Variants in TTLL5 observed in about 807,000 individuals in gnomAD.
The protein encoded by TTLL5 is tubulin tyrosine ligase like 5, also known as tubulin polyglutamylase TTLL5.
Under a neutral mutation model 168.4 loss-of-function variants are expected in TTLL5, and 132 were observed. The ratio of observed to expected loss-of-function variants is 0.78; its 90% CI spans 0.68 to 0.91. TTLL5 has a LOEUF of 0.91. TTLL5 is among the 40% of genes least tolerant of loss of function. The pLI is 0.00. For synonymous variants in TTLL5, 546 were observed against 558.6 expected, an observed-to-expected ratio of 0.98 and a Z score of 0.32; for missense variants, 1,545 against 1,581.5, an observed-to-expected ratio of 0.98 and a Z score of 0.39.
intron 20 of TTLL5, among the ~76,000 whole-genome samples, chr14:75,769,633 A>G (rs1891162487): frequency 6.6e-6 from 1 of 152,214 alleles, no homozygotes; most frequent in African/African-American, 2.4e-5. Flanking sequence ...AAGATCTTCA[A>G]GTTTTAGTAT....
At chr14:75,685,098 T>C (rs1884936451) in intron 5 of TTLL5, 1 of 152,120 alleles carries the variant, frequency 6.6e-6, no homozygotes, top group Non-Finnish European at 1.5e-5. Context: ...AAGTGTGGTG[T>C]TGGCTAGGTG....
intron 31 of TTLL5, among the ~76,000 whole-genome samples, chr14:75,950,978 A>AG (rs2034944281): frequency 6.6e-6 from 1 of 151,736 alleles, no homozygotes; most frequent in Admixed American, 6.6e-5. Flanking sequence ...CAAAAAAAAA[A>AG]CAAATGTGTT....
intron 4 of TTLL5, among the ~76,000 whole-genome samples, chr14:75,682,776 T>G (rs1884722445): frequency 6.6e-6 from 1 of 151,812 alleles, no homozygotes; most frequent in Non-Finnish European, 1.5e-5. Flanking sequence ...TTTTAATTTT[T>G]TATTTTTAGA....
intron 31 of TTLL5, among the ~76,000 whole-genome samples, chr14:75,914,029 A>ATATATATATATATATAT (rs1555356357): frequency 2.6e-5 from 2 of 78,302 alleles, no homozygotes; most frequent in African/African-American, 3.6e-4. Context: ...AAAAAAAAAA[A>ATATATATATATATATAT]AAAAATATAT....
rs181385862 is a variant in TTLL5, at chr14:75,852,019, C to T, written c.3327-11648C>T. Among the ~76,000 whole-genome samples the T allele has an allele frequency of 2.1e-3, 323 of 152,308 alleles. 1 individual carries two copies. Among genetic ancestry groups the T allele is most frequent in the Non-Finnish European group, 2.5e-3 (171 of 68,022 alleles). On this transcript the variant is annotated intron_variant, in intron 28 of 31. Coordinates refer to ENST00000298832, the MANE Select transcript of TTLL5 (RefSeq NM_015072.5). ...GCTAAACGCTGTACATAGATTATCA[C>T]ATGTAATTTTTAGACCAACCCTATG...
At chr14:75,877,074 G>T (rs1478326796) in intron 29 of TTLL5, among the ~76,000 whole-genome samples, 1 of 152,196 alleles carries the variant, frequency 6.6e-6, no homozygotes, top group Non-Finnish European at 1.5e-5. Context: ...GCATAGAAAT[G>T]TTTGCTTGTC....
At chr14:75,862,827 T>C (rs140857290) in intron 28 of TTLL5, among the ~76,000 whole-genome samples, 2 of 152,150 alleles carry the variant, frequency 1.3e-5, no homozygotes. Context: ...ACACCTAGAA[T>C]CCCAGCTTCT....
chr14:75,951,999 CAATCCATGA>C (rs2140223583), intron 31 of TTLL5, among the ~76,000 whole-genome samples: 1 of 152,176 alleles, frequency 6.6e-6, no homozygotes, highest in East Asian at 1.9e-4. Flanking sequence ...AGTAAAACAA[CAATCCATGA>C]AATTGAGAAA....
intron 18 of TTLL5, among the ~76,000 whole-genome samples, chr14:75,757,451 G>A (rs1050598187): frequency 6.6e-6 from 1 of 152,090 alleles, no homozygotes; most frequent in East Asian, 1.9e-4. Context: ...TTTAAGCTCC[G>A]GCCATGGCAG....
intron 28 of TTLL5, among the ~76,000 whole-genome samples, chr14:75,839,699 G>A (rs1410035168): frequency 6.6e-6 from 1 of 152,144 alleles, no homozygotes; most frequent in East Asian, 1.9e-4. Context: ...CACAACACAT[G>A]GGGATTATGG....
In TTLL5 at chr14:75,699,268, A is replaced by C; in HGVS notation, c.583A>C (p.Asn195His). 2 of 1,613,758 alleles carry C rather than the reference A, an allele frequency of 1.2e-6. No homozygotes were observed. Among genetic ancestry groups the C allele is most frequent in the Non-Finnish European group, 1.7e-6 (2 of 1,179,788 alleles). ...GGGGCGGGGCGTCTACCTGATCAAC[A>C]ATGTAAGTATGCAGCAGATGGCAAA... ...SRGRGVYLIN[N>H]PNQISLEENI... The change falls in exon 7 of 32, where the codon AAT becomes CAT. Residue 195 changes from asparagine (N) to histidine (H), a missense_variant and splice_region_variant. Asn to His is a moderately conservative substitution (Grantham distance 68). Transcript: ENST00000298832.
At chr14:75,917,466 G>C (rs1020952675) in intron 31 of TTLL5, among the ~76,000 whole-genome samples, 39 of 152,250 alleles carry the variant, frequency 2.6e-4, no homozygotes, top group African/African-American at 8.7e-4. Flanking sequence ...CTAAGCGGCT[G>C]GTGATCAGGC....
At chr14:75,789,746 G>A (rs759781488) in intron 26 of TTLL5, among the ~76,000 whole-genome samples, 5 of 152,106 alleles carry the variant, frequency 3.3e-5, no homozygotes, top group African/African-American at 4.8e-5. Context: ...AATATACCAC[G>A]TACATGCATA....
chr14:75,709,529 GA>G (rs1886907370), intron 9 of TTLL5: 1 of 270,786 alleles, frequency 3.7e-6, no homozygotes, highest in South Asian at 5.5e-5. Flanking sequence ...TTGAGAAAGG[GA>G]AGAACTGAAA....
intron 28 of TTLL5, among the ~76,000 whole-genome samples, chr14:75,857,346 A>T (rs1225979654): frequency 6.6e-6 from 1 of 151,810 alleles, no homozygotes; most frequent in African/African-American, 2.4e-5. Flanking sequence ...CTTGGCCATG[A>T]TATATTATCC....
chr14:75,909,129 G>A lies in TTLL5; in HGVS notation c.3823+6905G>A, dbSNP rs1023260064. ...ATTTGGGATCCTTGCAGGCCCAGGC[G>A]AGAGAGTGCCTTTCACAGGGCTAGT... On this transcript the variant is annotated intron_variant, in intron 31 of 31. Transcript: ENST00000298832. Among the ~76,000 whole-genome samples the A allele has an allele frequency of 4.6e-5, 7 of 151,662 alleles. No individual in the cohort carries two copies. The East Asian group carries it at 5.8e-4, about 13-fold the overall frequency.
intron 15 of TTLL5, chr14:75,737,524 A>C (rs1888985941): frequency 5.3e-6 from 8 of 1,517,394 alleles, no homozygotes; most frequent in Non-Finnish European, 7.0e-6. Context: ...TAGGCATATT[A>C]GGAGAAGATA....
intron 28 of TTLL5, among the ~76,000 whole-genome samples, chr14:75,848,898 A>C (rs1190875629): frequency 1.3e-5 from 2 of 152,180 alleles, no homozygotes; most frequent in Non-Finnish European, 2.9e-5. Flanking sequence ...TCTCTGCCAG[A>C]TGTACTAAGA....
chr14:75,741,418 G>A (rs1468291320), intron 15 of TTLL5, among the ~76,000 whole-genome samples: 1 of 151,952 alleles, frequency 6.6e-6, no homozygotes, highest in Non-Finnish European at 1.5e-5. Context: ...CTACCACCCA[G>A]AGAATGTAGT....
Sources: gnomAD v4.1 joint callset for allele counts (sites outside exome capture counted in the v4.1 genomes callset) on GRCh38, gnomAD v4.1.1 for gene constraint, MANE v1.5 for transcripts, NCBI Gene and HGNC (gene_info 2026-07-23, HGNC 2026-07-21) for gene names.